The following EZR variants were observed in gnomAD, a reference collection of about 807,000 sequenced individuals.
The protein encoded by EZR is ezrin.
A neutral mutation model predicts 74.8 loss-of-function variants in EZR; 40 were observed. The ratio of observed to expected loss-of-function variants is 0.53; its 90% confidence interval spans 0.42 to 0.70. The LOEUF is 0.70. Ranked by LOEUF, EZR falls within the 30% of genes least tolerant of loss-of-function variation. EZR has a pLI of 0.00. For synonymous variants in EZR, 341 were observed against 283.3 expected, an observed-to-expected ratio of 1.20 and a Z score of -2.05; for missense variants, 678 against 755.8, an observed-to-expected ratio of 0.90 and a Z score of 1.21.
chr6:158,769,233 C>T lies in EZR; in HGVS notation c.1344+93G>A, dbSNP rs115115448. On this transcript the variant is annotated intron_variant, in intron 12 of 13. Coordinates refer to ENST00000367075, the MANE Select transcript of EZR (RefSeq NM_001111077.2). ...ATGTGGCAGCTTGAGCCAGACCTCT[C>T]CCCCAACCCACCCACCTGCAGAAGG... 3.8e-3 allele frequency: 4,093 copies of T among 1,068,944 alleles called. 103 individuals carry two copies. In the African/African-American group the frequency reaches 0.056, roughly 15 times the overall value. The allele number at this position is 1,068,944 out of a possible 1,614,324, so 66.2% of individuals were successfully genotyped here. A position where few individuals can be genotyped will look rare whatever the true frequency, so the allele number is the denominator to read the frequency against.
At chr6:158,772,239 A>G (rs1791133251) in intron 8 of EZR, among the ~76,000 whole-genome samples, 1 of 152,126 alleles carries the variant, frequency 6.6e-6, no homozygotes, top group Non-Finnish European at 1.5e-5. Context: ...TTATCTTCCC[A>G]GGGTATTTGA....
At chr6:158,811,790 G>C (rs1457736313) in intron 2 of EZR, among the ~76,000 whole-genome samples, 1 of 152,106 alleles carries the variant, frequency 6.6e-6, no homozygotes, top group East Asian at 1.9e-4. Flanking sequence ...TTGAGCCAAG[G>C]GTGGGGGCCG....
intron 12 of EZR, among the ~76,000 whole-genome samples, 198 bp downstream of exon 12, chr6:158,769,128 A>ATC (rs1231389734): frequency 6.6e-6 from 1 of 152,176 alleles, no homozygotes; most frequent in Non-Finnish European, 1.5e-5. Flanking sequence ...AGTCAAACCC[A>ATC]TCTCTTTGGG....
rs375550013 is a variant in EZR, at chr6:158,787,240, A to G, written c.97-37T>C. On this transcript the variant is annotated intron_variant, in intron 3 of 13. Transcript: ENST00000367075. ...AGAGAGAGGCTCAACACTCATGAGA[A>G]ACTCACTCAAAAGGGCAACAGCTTT... 3.8e-6 allele frequency: 6 copies of G among 1,569,184 alleles called. No homozygotes were observed. The African/African-American group carries it at 8.1e-5, about 21-fold the overall frequency.
intron 8 of EZR, among the ~76,000 whole-genome samples, chr6:158,773,187 TG>T (rs759129922): frequency 2.0e-5 from 3 of 152,160 alleles, no homozygotes; most frequent in Non-Finnish European, 4.4e-5. Context: ...TATGGGGTTG[TG>T]GGGGTGCATG....
chr6:158,815,633 T>A (rs1235338675), intron 2 of EZR, among the ~76,000 whole-genome samples: 1 of 152,144 alleles, frequency 6.6e-6, no homozygotes, highest in African/African-American at 2.4e-5. Flanking sequence ...ACCCAGATAA[T>A]TTTTCTATTT....
chr6:158,789,253 G>A, intron 3 of EZR, 35 bp downstream of exon 3: 1 of 1,503,026 alleles, frequency 6.7e-7, no homozygotes. Context: ...GTTTTTTTTT[G>A]TAGGTGGAGT....
At chr6:158,767,147 CAGGA>C in intron 13 of EZR, 69 bp from the exon 14 acceptor site, 1 of 1,594,986 alleles carries the variant, frequency 6.3e-7, no homozygotes, top group South Asian at 1.1e-5. Context: ...CCTAGGAAAA[CAGGA>C]AGGGCAAGAG....
rs977535170 is a variant in EZR at position 158,770,034 on chromosome 6, G to A, written c.1091-90C>T. 1.0e-5 allele frequency: 16 copies of A among 1,531,222 alleles called. No individual in the cohort carries two copies. The African/African-American group carries it at 1.5e-4, about 14-fold the overall frequency. 94.9% of individuals were successfully genotyped at this position (1,531,222 alleles called of 1,614,324 possible). A position where few individuals can be genotyped will look rare whatever the true frequency, so the allele number is the denominator to read the frequency against. On this transcript the variant is annotated intron_variant, in intron 10 of 13. Transcript: ENST00000367075. ...CCATTCCCACCCCCAAAGCCACAGA[G>A]CCCTAGACCAAGTCACAGGTTGAGG...
At chr6:158,810,441 T>C (rs1320784919) in intron 2 of EZR, among the ~76,000 whole-genome samples, 1 of 152,192 alleles carries the variant, frequency 6.6e-6, no homozygotes. Flanking sequence ...TACACTGCAT[T>C]GTAATTGCTT....
intron 7 of EZR, among the ~76,000 whole-genome samples, chr6:158,779,027 C>T (rs1026749540): frequency 6.6e-6 from 1 of 152,140 alleles, no homozygotes; most frequent in African/African-American, 2.4e-5. Context: ...CCCAAATATA[C>T]TGACCAATTG....
rs945730331 is a variant in EZR, at chr6:158,766,814, C to G, written c.*100G>C. On this transcript the variant is annotated 3_prime_UTR_variant, in exon 14 of 14. Coordinates refer to ENST00000367075, the MANE Select transcript of EZR (RefSeq NM_001111077.2). ...AACTGCTTTCTAAAGGAACTGGGAT[C>G]TGAGGGAGTTCCTAGACTTGGAGCA... 4.1e-5 allele frequency: 48 copies of G among 1,173,034 alleles called. No homozygotes were observed. The highest frequency in any genetic ancestry group is 3.2e-4 in the Admixed American group (15 of 46,574). The allele number at this position is 1,173,034 out of a possible 1,614,324, so 72.7% of individuals were successfully genotyped here.
chr6:158,776,320 C>T, intron 8 of EZR, 88 bp downstream of exon 8: 2 of 1,080,732 alleles, frequency 1.9e-6, no homozygotes, highest in Non-Finnish European at 2.9e-6. Flanking sequence ...CTATCACTGG[C>T]TACTCGTCAC....
chr6:158,807,328 A>AC (rs1777363687), intron 2 of EZR, among the ~76,000 whole-genome samples: 1 of 136,592 alleles, frequency 7.3e-6, no homozygotes, highest in South Asian at 2.3e-4. Context: ...AAAAAAAAAA[A>AC]AAAACAAACA....
At chr6:158,814,526 G>A (rs1029088158) in intron 2 of EZR, among the ~76,000 whole-genome samples, 1 of 148,778 alleles carries the variant, frequency 6.7e-6, no homozygotes, top group Non-Finnish European at 1.5e-5. Flanking sequence ...AGGTCACTCC[G>A]CTTGCTGATG....
chr6:158,772,371 C>T (rs747121821), intron 8 of EZR, among the ~76,000 whole-genome samples: 5 of 152,228 alleles, frequency 3.3e-5, no homozygotes, highest in Non-Finnish European at 7.3e-5. Flanking sequence ...GCAGGGATGC[C>T]GGTATCTCAA....
rs571956890 is a variant in EZR at position 158,769,339 on chromosome 6, T to A, written c.1331A>T (p.Glu444Val). The A allele has an allele frequency of 5.0e-6, 8 of 1,609,794 alleles. No homozygotes were observed. The South Asian group carries it at 8.8e-5, about 18-fold the overall frequency. ...GTGCAGACTCACCCTGTGCTGCCAC[T>A]CTTCAACTTCATCCTCCTTGCGCCT... is the stretch of plus-strand genomic sequence containing the variant. Reference protein sequence around the residue: ...ARRRKEDEVEEWQHRAKEAQD... With the variant: ...ARRRKEDEVEVWQHRAKEAQD... The change falls in exon 12 of 14, where the codon GAG becomes GTG. Residue 444 changes from glutamate (E) to valine (V), a missense_variant. Coordinates refer to ENST00000367075, the MANE Select transcript of EZR (RefSeq NM_001111077.2).
At position 158,789,300 on chromosome 6, in the gene EZR, C is replaced by T; in HGVS notation, c.84G>A (p.Gln28=). 6.2e-7 allele frequency: 1 copy of T among 1,613,976 alleles called. No individual in the cohort carries two copies. The highest frequency in any genetic ancestry group is 8.5e-7 in the Non-Finnish European group (1 of 1,179,876). ...TTCAGAGACCAACCTGATCAAAAAG[C>T]TGTTTTCCAGTTGTATTTGGCTGGA... ...FAIQPNTTGK[Q]LFDQVVKTIG... Residue 28 remains glutamine (Q), a synonymous_variant, in exon 3 of 14, where the codon CAG becomes CAA. Transcript: ENST00000367075.
chr6:158,768,009 A>G (rs1441018808), intron 12 of EZR, among the ~76,000 whole-genome samples: 1 of 151,500 alleles, frequency 6.6e-6, no homozygotes, highest in African/African-American at 2.4e-5. Flanking sequence ...TTCTCCAAAA[A>G]CCTAAGAACC....
Sources: allele counts gnomAD v4.1 joint callset (sites outside exome capture counted in the v4.1 genomes callset), GRCh38; gene constraint gnomAD v4.1.1; transcripts MANE v1.5; gene names NCBI Gene and HGNC (gene_info 2026-07-23, HGNC 2026-07-21).